Variants in CPPED1 observed in about 807,000 individuals in gnomAD.
CPPED1 encodes calcineurin like phosphoesterase domain containing 1, also known as serine/threonine-protein phosphatase CPPED1.
In CPPED1, 28 loss-of-function variants were observed where a neutral mutation model predicts 28.0. The ratio of observed to expected loss-of-function variants is 1.00; its 90% CI spans 0.74 to 1.37. CPPED1 has a LOEUF of 1.37. Ranked by LOEUF, CPPED1 falls within the 40% of genes most tolerant of loss-of-function variation. CPPED1 has a pLI of 0.00. For missense variants in CPPED1, 504 were observed against 416.5 expected, an observed-to-expected ratio of 1.21 and a Z score of -1.83; for synonymous variants, 198 against 180.2, an observed-to-expected ratio of 1.10 and a Z score of -0.79.
chr16:12,726,664 C>T (rs1396008554), intron 2 of CPPED1, among the ~76,000 whole-genome samples: 3 of 151,996 alleles, frequency 2.0e-5, no homozygotes, highest in African/African-American at 7.2e-5. Context: ...TAAAAATTAG[C>T]CAGGTGTGGT....
chr16:12,769,923 A>G (rs976599606), intron 2 of CPPED1, among the ~76,000 whole-genome samples: 1 of 152,180 alleles, frequency 6.6e-6, no homozygotes, highest in Admixed American at 6.5e-5. Flanking sequence ...ACACTTAAAC[A>G]TAACAACGCA....
At chr16:12,748,623 T>C (rs2080306698) in intron 2 of CPPED1, among the ~76,000 whole-genome samples, 1 of 152,160 alleles carries the variant, frequency 6.6e-6, no homozygotes, top group Admixed American at 6.5e-5. Context: ...CGGTGGCTCA[T>C]GCCTGTAATC....
intron 3 of CPPED1, among the ~76,000 whole-genome samples, chr16:12,689,227 T>TC (rs2079949542): frequency 6.8e-6 from 1 of 147,622 alleles, no homozygotes; most frequent in African/African-American, 2.5e-5. Flanking sequence ...CTTTTTTTTT[T>TC]TTTTTTTTTT....
chr16:12,781,307 T>C lies in CPPED1; in HGVS notation c.167A>G (p.Asn56Ser), dbSNP rs114272957. Reference protein sequence around the residue: ...IKAWSTGDCDNGGDEWEQEIR... With the variant: ...IKAWSTGDCDSGGDEWEQEIR... ...CTCCTGTTCCCATTCGTCACCGCCATTGTCACAGTCCCCAGTGGACCAGGC... is the reference window on the plus strand; with the variant it reads ...CTCCTGTTCCCATTCGTCACCGCCACTGTCACAGTCCCCAGTGGACCAGGC... The change falls in exon 2 of 4, where the codon AAT becomes AGT. Residue 56 changes from asparagine (N) to serine (S), a missense_variant. Physicochemically the swap from Asn to Ser is conservative, Grantham distance 46 (BLOSUM62 1). Transcript: ENST00000381774. The C allele has an allele frequency of 3.2e-4, 520 of 1,614,114 alleles. 2 individuals are homozygous for C. The African/African-American group carries it at 6.0e-3, about 19-fold the overall frequency.
intron 3 of CPPED1, 68 bp downstream of exon 3, chr16:12,704,556 G>T (rs1596453029): frequency 2.7e-6 from 4 of 1,477,338 alleles, no homozygotes. Flanking sequence ...AGAGACGGGA[G>T]AAAGATCTGG....
intron 2 of CPPED1, among the ~76,000 whole-genome samples, chr16:12,762,729 T>C (rs886671158): frequency 6.6e-6 from 1 of 151,992 alleles, no homozygotes; most frequent in African/African-American, 2.4e-5. Context: ...CGGAGTTTCT[T>C]TCTGGGTTGA....
intron 1 of CPPED1, among the ~76,000 whole-genome samples, chr16:12,791,577 C>G (rs8044907): frequency 0.26 from 39,210 of 151,896 alleles, 6,466 homozygotes; most frequent in African/African-American, 0.47. Context: ...GCAGCCCCAC[C>G]TTACCGTTCC....
chr16:12,706,571 A>T (rs1184302702), intron 2 of CPPED1, among the ~76,000 whole-genome samples: 2 of 151,218 alleles, frequency 1.3e-5, no homozygotes, highest in Non-Finnish European at 2.9e-5. Flanking sequence ...AAAAAAAAAA[A>T]AAAAACTCAA....
chr16:12,711,539 G>A (rs1485032444), intron 2 of CPPED1, among the ~76,000 whole-genome samples: 1 of 152,204 alleles, frequency 6.6e-6, no homozygotes. Flanking sequence ...AACCACCAAA[G>A]TTATCAATAT....
At chr16:12,694,782 C>CTTTTT (rs1567278252) in intron 3 of CPPED1, among the ~76,000 whole-genome samples, 1 of 147,602 alleles carries the variant, frequency 6.8e-6, no homozygotes. Context: ...AAAACCCCCC[C>CTTTTT]CTTTTTTTTT....
intron 2 of CPPED1, among the ~76,000 whole-genome samples, chr16:12,708,707 T>C (rs1182956846): frequency 6.6e-6 from 1 of 152,244 alleles, no homozygotes; most frequent in Admixed American, 6.5e-5. Context: ...ACAGAATCTC[T>C]GTAGGGTTAC....
intron 2 of CPPED1, among the ~76,000 whole-genome samples, chr16:12,738,298 A>T (rs904783404): frequency 1.2e-4 from 18 of 152,310 alleles, no homozygotes; most frequent in African/African-American, 3.8e-4. Flanking sequence ...AAAAATTTTT[A>T]AAAATTAGGA....
chr16:12,741,656 C>T (rs966343892), intron 2 of CPPED1, among the ~76,000 whole-genome samples: 33 of 152,142 alleles, frequency 2.2e-4, no homozygotes, highest in African/African-American at 8.0e-4. Context: ...TGAGATGGCT[C>T]ACAGTTAACT....
At chr16:12,669,599 A>G (rs998956410) in intron 3 of CPPED1, among the ~76,000 whole-genome samples, 6 of 152,214 alleles carry the variant, frequency 3.9e-5, no homozygotes, top group African/African-American at 1.4e-4. Context: ...GTTTAGCTTA[A>G]TATTGCTGTG....
intron 2 of CPPED1, among the ~76,000 whole-genome samples, chr16:12,772,429 C>A (rs1378337119): frequency 6.6e-6 from 1 of 152,226 alleles, no homozygotes; most frequent in Non-Finnish European, 1.5e-5. Flanking sequence ...CATATCTGCA[C>A]AAATCCAGCC....
At chr16:12,669,265 A>G (rs2079841859) in intron 3 of CPPED1, among the ~76,000 whole-genome samples, 1 of 152,178 alleles carries the variant, frequency 6.6e-6, no homozygotes, top group African/African-American at 2.4e-5. Context: ...TTTATATAAA[A>G]TGTCCAGAAT....
chr16:12,768,201 T>C (rs1302986478), intron 2 of CPPED1, among the ~76,000 whole-genome samples: 1 of 152,238 alleles, frequency 6.6e-6, no homozygotes, highest in African/African-American at 2.4e-5. Flanking sequence ...TCTTCCTATA[T>C]GAACTTTTAT....
At chr16:12,714,581 ATC>A (rs1197545377) in intron 2 of CPPED1, among the ~76,000 whole-genome samples, 1 of 152,184 alleles carries the variant, frequency 6.6e-6, no homozygotes, top group African/African-American at 2.4e-5. Context: ...CAATTTTTAT[ATC>A]TTCTTTGGAG....
rs1313960536 is a variant in CPPED1 at position 12,743,721 on chromosome 16, C to T, written c.289+37464G>A. Among the ~76,000 whole-genome samples the T allele has an allele frequency of 3.3e-5, 5 of 152,110 alleles. No individual in the cohort carries two copies. In the South Asian group the frequency reaches 6.2e-4, roughly 19 times the overall value. ...GCTCAGAAAACATACGAAAGACACT[C>T]GGCTGAGCACGGTGGCTCACACCTG... On this transcript the variant is annotated intron_variant, in intron 2 of 3. Coordinates refer to ENST00000381774, the MANE Select transcript of CPPED1 (RefSeq NM_018340.3).
Sources: gnomAD v4.1 joint callset for allele counts (sites outside exome capture counted in the v4.1 genomes callset) on GRCh38, gnomAD v4.1.1 for gene constraint, MANE v1.5 for transcripts, NCBI Gene and HGNC (gene_info 2026-07-23, HGNC 2026-07-21) for gene names.